The following PTPRT variants were observed in gnomAD, a reference collection of about 807,000 sequenced individuals.
PTPRT encodes the protein protein tyrosine phosphatase receptor type T.
Under a neutral mutation model 176.8 loss-of-function variants are expected in PTPRT, and 56 were observed. The observed-to-expected ratio is 0.32, with a 90% CI of 0.26 to 0.40. The LOEUF (loss-of-function observed/expected upper bound fraction) is 0.40. Among genes scored for constraint, PTPRT ranks in the 10% least tolerant of loss-of-function variants. The pLI, the probability that PTPRT is intolerant of heterozygous loss-of-function variation, is 1.00. For missense variants in PTPRT, 1,540 were observed against 1,908.2 expected (o/e 0.81, Z 3.60); for synonymous variants, 783 against 739.0 (o/e 1.06, Z -0.96).
Position 42,514,248 on chromosome 20 carries a change from G to A in PTPRT, c.1154-41686C>T, listed in dbSNP as rs151040755. Among the ~76,000 whole-genome samples the A allele has an allele frequency of 2.6e-5, 4 of 152,140 alleles. No homozygotes were observed. In the East Asian group the frequency reaches 5.8e-4, roughly 22 times the overall value. On this transcript the variant is annotated intron_variant, in intron 7 of 30. Transcript: ENST00000373187. ...TTGACCAATTGATCCTGCATGTATC[G>A]GCACCCTCCTGCTCCCCATCCTTGC...
intron 23 of PTPRT, among the ~76,000 whole-genome samples, chr20:42,108,916 T>C (rs1986761541): frequency 6.6e-6 from 1 of 152,156 alleles, no homozygotes; most frequent in Non-Finnish European, 1.5e-5. Context: ...GCCGAAGTCC[T>C]GATGATAAAC....
chr20:43,027,431 G>A (rs1010409891), intron 1 of PTPRT, among the ~76,000 whole-genome samples: 3 of 151,110 alleles, frequency 2.0e-5, no homozygotes, highest in Middle Eastern at 3.4e-3. Flanking sequence ...AGCCAAGATC[G>A]TGCCACTACA....
chr20:42,897,697 C>A (rs2079327821), intron 1 of PTPRT, among the ~76,000 whole-genome samples: 1 of 152,166 alleles, frequency 6.6e-6, no homozygotes, highest in Non-Finnish European at 1.5e-5. Flanking sequence ...AAGCTATGAA[C>A]TCCAGAGCCA....
intron 27 of PTPRT, among the ~76,000 whole-genome samples, chr20:42,089,079 G>A (rs1171405880): frequency 6.6e-6 from 1 of 152,076 alleles, no homozygotes; most frequent in Non-Finnish European, 1.5e-5. Context: ...GGTTAACCAA[G>A]CATAGTGAGA....
intron 1 of PTPRT, among the ~76,000 whole-genome samples, chr20:43,012,171 A>G (rs967920688): frequency 3.3e-5 from 5 of 152,174 alleles, no homozygotes; most frequent in Admixed American, 6.5e-5. Flanking sequence ...CATTATATAT[A>G]CATCCATCCT....
At chr20:43,053,058 A>T (rs200956926) in intron 1 of PTPRT, among the ~76,000 whole-genome samples, 1 of 70,262 alleles carries the variant, frequency 1.4e-5, no homozygotes, top group East Asian at 5.5e-4. Flanking sequence ...CTCAGACATA[A>T]AAAAAAAAAG....
At chr20:42,826,642 C>G (rs542255083) in intron 2 of PTPRT, among the ~76,000 whole-genome samples, 37 of 152,300 alleles carry the variant, frequency 2.4e-4, no homozygotes, top group African/African-American at 8.9e-4. Flanking sequence ...AAAGCAACCA[C>G]ACAAACAAGC....
intron 9 of PTPRT, among the ~76,000 whole-genome samples, chr20:42,441,591 G>A (rs919992770): frequency 6.6e-6 from 1 of 152,212 alleles, no homozygotes; most frequent in Non-Finnish European, 1.5e-5. Flanking sequence ...TATGGAACAG[G>A]TGAAGTGTGG....
chr20:42,745,813 C>T (rs184358503), intron 6 of PTPRT, among the ~76,000 whole-genome samples: 246 of 152,286 alleles, frequency 1.6e-3, no homozygotes, highest in Non-Finnish European at 2.7e-3. Flanking sequence ...AGAGGGCAGG[C>T]CTTGGACTGT....
At chr20:42,539,923 C>A in intron 7 of PTPRT, among the ~76,000 whole-genome samples, 1 of 151,982 alleles carries the variant, frequency 6.6e-6, no homozygotes, top group African/African-American at 2.4e-5. Context: ...TCCAACAGTT[C>A]CAACATCCAA....
intron 8 of PTPRT, among the ~76,000 whole-genome samples, chr20:42,457,962 T>C (rs2070952262): frequency 6.6e-6 from 1 of 152,106 alleles, no homozygotes. Flanking sequence ...CTCTCTCCTT[T>C]CCCCACTCCC....
chr20:42,727,646 C>G (rs73269842), intron 6 of PTPRT, among the ~76,000 whole-genome samples: 10,514 of 152,124 alleles, frequency 0.069, 431 homozygotes, highest in Non-Finnish European at 0.092. Flanking sequence ...GTATGCCCAC[C>G]AATGTTCAAT....
At chr20:42,382,337 C>T (rs1381840292) in intron 9 of PTPRT, among the ~76,000 whole-genome samples, 4 of 152,176 alleles carry the variant, frequency 2.6e-5, no homozygotes, top group Admixed American at 2.6e-4. Flanking sequence ...AGGGAAATGG[C>T]TCTTCTCTTT....
chr20:42,404,960 A>T (rs2058944545), intron 9 of PTPRT, among the ~76,000 whole-genome samples: 1 of 140,156 alleles, frequency 7.1e-6, no homozygotes. Flanking sequence ...ATGTGAATAG[A>T]GGGCCAATTA....
intron 1 of PTPRT, among the ~76,000 whole-genome samples, chr20:43,008,095 C>G (rs1221002296): frequency 6.6e-6 from 1 of 152,180 alleles, no homozygotes; most frequent in African/African-American, 2.4e-5. Context: ...AATGGCCATA[C>G]AGTCTTCAAT....
At chr20:42,414,020 C>T (rs1207872609) in intron 9 of PTPRT, among the ~76,000 whole-genome samples, 5 of 152,094 alleles carry the variant, frequency 3.3e-5, no homozygotes, top group South Asian at 2.1e-4. Context: ...TTAGTATAGA[C>T]GGAGTTTTGC....
intron 1 of PTPRT, among the ~76,000 whole-genome samples, chr20:43,124,395 T>A (rs1247626570): frequency 2.0e-5 from 3 of 152,182 alleles, no homozygotes; most frequent in Admixed American, 6.5e-5. Flanking sequence ...TCTGCACACA[T>A]AACAATCTGG....
chr20:42,570,840 T>G (rs1302948523), intron 7 of PTPRT, among the ~76,000 whole-genome samples: 2 of 152,170 alleles, frequency 1.3e-5, no homozygotes, highest in African/African-American at 4.8e-5. Flanking sequence ...GATCTTTAAC[T>G]TAATTGCTTT....
intron 1 of PTPRT, among the ~76,000 whole-genome samples, chr20:42,966,759 T>C (rs1982317498): frequency 6.6e-6 from 1 of 152,228 alleles, no homozygotes; most frequent in Admixed American, 6.5e-5. Flanking sequence ...AGCAAGGCTG[T>C]AGTTCATTCC....
Sources: gnomAD v4.1 joint callset for allele counts (sites outside exome capture counted in the v4.1 genomes callset) on GRCh38, gnomAD v4.1.1 for gene constraint, MANE v1.5 for transcripts, NCBI Gene and HGNC (gene_info 2026-07-23, HGNC 2026-07-21) for gene names.